Variants in AZIN1 observed in about 807,000 individuals in gnomAD.
The protein encoded by AZIN1 is ornithine decarboxylase antizyme inhibitor.
Under a neutral mutation model 47.4 loss-of-function variants are expected in AZIN1, and 12 were observed. The observed-to-expected ratio is 0.25, with a 90% confidence interval of 0.16 to 0.41. AZIN1 has a LOEUF of 0.41. Among genes scored for constraint, AZIN1 ranks in the 10% least tolerant of loss-of-function variants. The pLI, the probability that AZIN1 is intolerant of heterozygous loss-of-function variation, is 1.00. For missense variants in AZIN1, 410 were observed against 532.4 expected, an observed-to-expected ratio of 0.77 and a Z score of 2.26; for synonymous variants, 155 against 176.3, an observed-to-expected ratio of 0.88 and a Z score of 0.96.
chr8:102,862,991 A>G (rs968859168), intron 1 of AZIN1, among the ~76,000 whole-genome samples: 1 of 152,244 alleles, frequency 6.6e-6, no homozygotes, highest in Admixed American at 6.5e-5. Context: ...CCTAGGAACC[A>G]TGGCGCGGAC....
At chr8:102,851,703 CAAAA>C (rs367784413) in intron 2 of AZIN1, among the ~76,000 whole-genome samples, 1 of 150,314 alleles carries the variant, frequency 6.7e-6, no homozygotes, top group African/African-American at 2.4e-5. Flanking sequence ...TCTCAGAAAA[CAAAA>C]AAAAAGAAAG....
At chr8:102,839,923 G>A in intron 3 of AZIN1, 100 bp from the exon 4 acceptor site, 1 of 762,736 alleles carries the variant, frequency 1.3e-6, no homozygotes, top group Non-Finnish European at 2.0e-6. Context: ...ACAAATATAT[G>A]GGTCAAGACA....
chr8:102,848,608 T>C (rs936257920), intron 2 of AZIN1, among the ~76,000 whole-genome samples: 3 of 152,188 alleles, frequency 2.0e-5, no homozygotes, highest in African/African-American at 7.2e-5. Context: ...AAACCCAGTA[T>C]TTCCAACTGA....
intron 3 of AZIN1, among the ~76,000 whole-genome samples, chr8:102,842,732 CA>C (rs1022784302): frequency 1.4e-4 from 20 of 141,526 alleles, no homozygotes; most frequent in African/African-American, 3.7e-4. Context: ...AAACAAAAAA[CA>C]AAAAAAAAAC....
intron 2 of AZIN1, among the ~76,000 whole-genome samples, chr8:102,849,807 T>C (rs1267531831): frequency 6.6e-6 from 1 of 152,222 alleles, no homozygotes; most frequent in Non-Finnish European, 1.5e-5. Context: ...TAACATCCCT[T>C]ATTCACACCT....
intron 11 of AZIN1, 31 bp downstream of exon 11, chr8:102,829,241 T>C: frequency 6.4e-7 from 1 of 1,562,066 alleles, no homozygotes; most frequent in Non-Finnish European, 8.8e-7. Context: ...AGTTCAAATA[T>C]CCCATCTGCC....
At position 102,838,763 on chromosome 8, in the gene AZIN1, G is replaced by T. The variant is rs142294459; in HGVS notation, c.430C>A (p.Arg144Ser). The change falls in exon 5 of 12, where the codon CGT (arginine) becomes AGT (serine). Residue 144 changes from arginine to serine, a missense_variant. Arg to Ser is a moderately radical substitution (Grantham distance 110). Coordinates refer to ENST00000337198, the MANE Select transcript of AZIN1 (RefSeq NM_148174.4). ...DNEIELKKIA[R>S]NHPNAKVLLH... ...ACTTACTTGGCATTTGGGTGATTACGTGCAATTTTCTTCAATTCAATTTCA... is the reference window on the plus strand; with the variant it reads ...ACTTACTTGGCATTTGGGTGATTACTTGCAATTTTCTTCAATTCAATTTCA... 9 of 1,611,962 alleles carry T rather than the reference G, an allele frequency of 5.6e-6. No individual in the cohort carries two copies. The Admixed American group carries it at 1.3e-4, about 24-fold the overall frequency.
chr8:102,861,400 G>C (rs1218822032), intron 1 of AZIN1, among the ~76,000 whole-genome samples: 3 of 151,656 alleles, frequency 2.0e-5, no homozygotes, highest in African/African-American at 7.3e-5. Context: ...GCTAATTTTT[G>C]TATTTTTAGT....
intron 2 of AZIN1, among the ~76,000 whole-genome samples, chr8:102,849,687 T>G (rs1812805110): frequency 6.6e-6 from 1 of 152,218 alleles, no homozygotes; most frequent in South Asian, 2.1e-4. Context: ...CTTATTAACA[T>G]ACGGTTGAGA....
At chr8:102,830,658 A>AAAAG (rs386728362) in intron 9 of AZIN1, among the ~76,000 whole-genome samples, 4,815 of 121,940 alleles carry the variant, frequency 0.039, 100 homozygotes, top group Non-Finnish European at 0.055. Context: ...AACAAAAAAA[A>AAAAG]AAAAGAAAAG....
intron 7 of AZIN1, 98 bp from the exon 8 acceptor site, chr8:102,834,361 G>T: frequency 1.1e-6 from 1 of 940,430 alleles, no homozygotes; most frequent in Non-Finnish European, 1.6e-6. Context: ...TATCTGTTCT[G>T]ATCTTTAGTA....
chr8:102,841,235 G>T (rs1812158451), intron 3 of AZIN1, among the ~76,000 whole-genome samples: 1 of 152,140 alleles, frequency 6.6e-6, no homozygotes, highest in African/African-American at 2.4e-5. Flanking sequence ...ATGAATACCA[G>T]GATGTTATGA....
chr8:102,834,157 A>G (rs767119599), intron 8 of AZIN1, 32 bp downstream of exon 8: 3 of 1,570,036 alleles, frequency 1.9e-6, no homozygotes, highest in Non-Finnish European at 2.6e-6. Flanking sequence ...GAAAGCAATT[A>G]TTCTGTTAAT....
intron 11 of AZIN1, 91 bp from the exon 12 acceptor site, chr8:102,828,769 T>C: frequency 4.0e-6 from 3 of 757,206 alleles, no homozygotes; most frequent in Non-Finnish European, 6.4e-6. Flanking sequence ...GGATTATAAC[T>C]AGTCTTCCAA....
chr8:102,863,318 G>A (rs1727991727), intron 1 of AZIN1, among the ~76,000 whole-genome samples: 1 of 152,076 alleles, frequency 6.6e-6, no homozygotes, highest in South Asian at 2.1e-4. Context: ...CCCAGCCGTT[G>A]CAGCCCACAG....
At position 102,839,688 on chromosome 8, in the gene AZIN1, A is replaced by G; in HGVS notation, c.238T>C (p.Leu80=). 6.3e-7 allele frequency: 1 copy of G among 1,590,960 alleles called. No individual in the cohort carries two copies. The highest frequency in any genetic ancestry group is 8.6e-7 in the Non-Finnish European group (1 of 1,168,582). The change falls in exon 4 of 12, where the codon TTG becomes CTG. Residue 80 remains leucine, a synonymous_variant. Coordinates refer to ENST00000337198, the MANE Select transcript of AZIN1 (RefSeq NM_148174.4). ...CNSAPAVLEI[L]AALGTGFACS... is the part of the protein sequence containing the mutation. ...GCAAATCCGGTTCCAAGAGCTGCCA[A>G]AATCTCAAGTACAGCTGGAGCAGAG...
intron 4 of AZIN1, 50 bp downstream of exon 4, chr8:102,839,600 A>C: frequency 1.5e-6 from 2 of 1,346,476 alleles, no homozygotes; most frequent in Non-Finnish European, 9.9e-7. Context: ...AACTACATTA[A>C]GTTAAATTAT....
chr8:102,839,912 C>T, intron 3 of AZIN1, 89 bp from the exon 4 acceptor site: 2 of 897,348 alleles, frequency 2.2e-6, no homozygotes, highest in South Asian at 4.0e-5. Flanking sequence ...TCTTTTCCTC[C>T]ACAAATATAT....
At chr8:102,862,548 A>G (rs1813749605) in intron 1 of AZIN1, among the ~76,000 whole-genome samples, 2 of 152,228 alleles carry the variant, frequency 1.3e-5, no homozygotes, top group South Asian at 4.1e-4. Flanking sequence ...TGTAAAAGAA[A>G]TTAATGAATT....
Sources: gnomAD v4.1 joint callset for allele counts (sites outside exome capture counted in the v4.1 genomes callset) on GRCh38, gnomAD v4.1.1 for gene constraint, MANE v1.5 for transcripts, NCBI Gene and HGNC (gene_info 2026-07-23, HGNC 2026-07-21) for gene names.